The following STAU2 variants were observed in gnomAD, a reference collection of about 807,000 sequenced individuals.
STAU2 encodes double-stranded RNA-binding protein Staufen homolog 2.
In STAU2, 20 loss-of-function variants were observed where a neutral mutation model predicts 65.9. That is an observed-to-expected ratio of 0.30 (90% confidence interval 0.21 to 0.44). The LOEUF (loss-of-function observed/expected upper bound fraction) is 0.44, where lower values mean the gene tolerates loss of function less well. STAU2 is among the 20% of genes least tolerant of loss of function. The probability of loss-of-function intolerance (pLI) is 1.00; values close to 1 mark genes in which losing one functional copy is unlikely to be tolerated. For missense variants in STAU2, 558 were observed against 683.9 expected (o/e 0.82, Z 2.05); for synonymous variants, 232 against 233.9 (o/e 0.99, Z 0.07).
At chr8:73,710,750 T>C (rs77700313) in intron 3 of STAU2, among the ~76,000 whole-genome samples, 4,276 of 152,098 alleles carry the variant, frequency 0.028, 168 homozygotes, top group African/African-American at 0.094. Flanking sequence ...CCAAAATATA[T>C]TTTAAAATCT....
At chr8:73,657,636 T>C (rs1816481156) in intron 6 of STAU2, among the ~76,000 whole-genome samples, 2 of 152,332 alleles carry the variant, frequency 1.3e-5, no homozygotes, top group Admixed American at 6.5e-5. Context: ...TTTTCTTCTA[T>C]ATTTATATTG....
intron 12 of STAU2, among the ~76,000 whole-genome samples, chr8:73,579,065 C>T (rs1809797500): frequency 6.9e-6 from 1 of 144,572 alleles, no homozygotes; most frequent in African/African-American, 2.5e-5. Context: ...AGGCAATCTA[C>T]CCAATGTCAT....
intron 11 of STAU2, among the ~76,000 whole-genome samples, chr8:73,588,587 G>A (rs1810544491): frequency 1.3e-5 from 2 of 152,258 alleles, no homozygotes; most frequent in South Asian, 4.2e-4. Flanking sequence ...AAGCCACCGG[G>A]GGAAGGGTAG....
At chr8:73,445,249 G>A (rs1462756490) in intron 13 of STAU2, among the ~76,000 whole-genome samples, 2 of 152,182 alleles carry the variant, frequency 1.3e-5, no homozygotes, top group African/African-American at 4.8e-5. Context: ...AGAGGAAGGG[G>A]TTTCTGCAGG....
In STAU2 at chr8:73,580,526, G is replaced by A. The variant is rs577867815; in HGVS notation, c.1222+2244C>T. Among the ~76,000 whole-genome samples the A allele has an allele frequency of 1.3e-3, 204 of 152,214 alleles. 1 individual carries two copies. The highest frequency in any genetic ancestry group is 4.8e-3 in the African/African-American group (199 of 41,548). On this transcript the variant is annotated intron_variant, in intron 12 of 14. Coordinates refer to ENST00000524300, the MANE Select transcript of STAU2 (RefSeq NM_001164380.2). Reference sequence around the variant, plus strand: ...AATGCTAACTCTGGTATTCTTCACAGGACAGAAACCATTTAGAATAGAATT... The same window carrying A: ...AATGCTAACTCTGGTATTCTTCACAAGACAGAAACCATTTAGAATAGAATT...
At position 73,499,805 on chromosome 8, in the gene STAU2, T is replaced by A. The variant is rs569821303; in HGVS notation, c.1530+52207A>T. 1.1e-4 allele frequency among the ~76,000 whole-genome samples: 17 copies of A among 151,818 alleles called. 1 individual carries two copies. The South Asian group carries it at 2.9e-3, about 26-fold the overall frequency. The stretch of plus-strand genomic sequence containing the variant: ...CACTGGAGAAGAAGATAAAGATAGA[T>A]AGAAACCAGTGAGAAAACAAGTCCC... On this transcript the variant is annotated intron_variant, in intron 13 of 14. Coordinates refer to ENST00000524300, the MANE Select transcript of STAU2 (RefSeq NM_001164380.2).
At chr8:73,656,104 T>C (rs1324921585) in intron 6 of STAU2, among the ~76,000 whole-genome samples, 2 of 152,166 alleles carry the variant, frequency 1.3e-5, no homozygotes, top group Non-Finnish European at 2.9e-5. Context: ...AAACAAAAAG[T>C]AAAATATTAA....
At chr8:73,542,067 AT>A (rs960449123) in intron 13 of STAU2, among the ~76,000 whole-genome samples, 1 of 139,304 alleles carries the variant, frequency 7.2e-6, no homozygotes, top group Admixed American at 7.2e-5. Flanking sequence ...AAAAAACACC[AT>A]TTTTTAACCA....
intron 6 of STAU2, among the ~76,000 whole-genome samples, chr8:73,663,179 T>C (rs1256483335): frequency 1.3e-5 from 2 of 152,220 alleles, no homozygotes; most frequent in Non-Finnish European, 2.9e-5. Context: ...AAAAGCAGAC[T>C]ATAAATAAGC....
chr8:73,732,091 T>C (rs1372929185), intron 3 of STAU2, among the ~76,000 whole-genome samples: 1 of 152,180 alleles, frequency 6.6e-6, no homozygotes, highest in East Asian at 1.9e-4. Flanking sequence ...GCAGGACAGA[T>C]GTTTAGGACT....
chr8:73,469,742 C>CA (rs910953967), intron 13 of STAU2, among the ~76,000 whole-genome samples: 3 of 151,944 alleles, frequency 2.0e-5, no homozygotes, highest in African/African-American at 7.3e-5. Context: ...TAAGAACTCA[C>CA]AAAAAAATAT....
At chr8:73,701,117 A>C (rs541637457) in intron 4 of STAU2, among the ~76,000 whole-genome samples, 2 of 152,286 alleles carry the variant, frequency 1.3e-5, no homozygotes, top group South Asian at 4.1e-4. Context: ...ACACAAAAAA[A>C]ATCAAATCAA....
intron 13 of STAU2, among the ~76,000 whole-genome samples, chr8:73,530,554 G>A (rs1435109902): frequency 4.6e-5 from 7 of 152,188 alleles, no homozygotes; most frequent in Admixed American, 4.6e-4. Flanking sequence ...TGAAGGGGAG[G>A]CTGACATATC....
intron 6 of STAU2, among the ~76,000 whole-genome samples, chr8:73,632,788 T>A (rs1814196328): frequency 6.6e-6 from 1 of 152,188 alleles, no homozygotes; most frequent in Admixed American, 6.5e-5. Flanking sequence ...ACTTATAATC[T>A]TAGTTGTCAC....
chr8:73,433,951 C>T (rs959131920), intron 13 of STAU2, among the ~76,000 whole-genome samples: 1 of 151,834 alleles, frequency 6.6e-6, no homozygotes. Context: ...GCCCCAGATG[C>T]CCACGTCCTA....
chr8:73,469,344 T>G (rs1273332642), intron 13 of STAU2, among the ~76,000 whole-genome samples: 1 of 151,860 alleles, frequency 6.6e-6, no homozygotes, highest in African/African-American at 2.4e-5. Flanking sequence ...TTAGGAGATA[T>G]ACCTAATGTA....
At chr8:73,447,656 T>A (rs1248406147) in intron 13 of STAU2, among the ~76,000 whole-genome samples, 2 of 152,120 alleles carry the variant, frequency 1.3e-5, no homozygotes, top group Non-Finnish European at 2.9e-5. Context: ...GGCAGCTGCA[T>A]CCCCAAGGGC....
chr8:73,474,444 A>G (rs1034579162), intron 13 of STAU2, among the ~76,000 whole-genome samples: 2 of 152,202 alleles, frequency 1.3e-5, no homozygotes, highest in Non-Finnish European at 2.9e-5. Flanking sequence ...TGCATCTGAA[A>G]CTTTATCTTA....
chr8:73,662,729 G>C (rs2130335057), intron 6 of STAU2, among the ~76,000 whole-genome samples: 1 of 152,212 alleles, frequency 6.6e-6, no homozygotes, highest in Middle Eastern at 3.4e-3. Flanking sequence ...CAATTCTCCT[G>C]CCTCAGCCTC....
Sources: gnomAD v4.1 joint callset for allele counts (sites outside exome capture counted in the v4.1 genomes callset) on GRCh38, gnomAD v4.1.1 for gene constraint, MANE v1.5 for transcripts, NCBI Gene and HGNC (gene_info 2026-07-23, HGNC 2026-07-21) for gene names.